The following BOLA3 variants were observed in gnomAD, a reference collection of about 807,000 sequenced individuals.
The protein encoded by BOLA3 is bolA family member 3.
BOLA3 carries 8 observed loss-of-function variants against 14.5 expected under a neutral mutation model. The observed-to-expected ratio is 0.55, with a 90% CI of 0.32 to 0.99. The LOEUF (loss-of-function observed/expected upper bound fraction) is 0.99, where lower values mean the gene tolerates loss of function less well. BOLA3 is among the 50% of genes least tolerant of loss of function. The pLI is 0.04. For missense variants in BOLA3, 115 were observed against 138.2 expected (o/e 0.83, Z 0.84); for synonymous variants, 42 against 45.7 (o/e 0.92, Z 0.33).
intron 3 of BOLA3, among the ~76,000 whole-genome samples, chr2:74,136,511 G>A (rs1333770389): frequency 6.6e-6 from 1 of 152,016 alleles, no homozygotes; most frequent in African/African-American, 2.4e-5. Context: ...TATATTTTAT[G>A]TGTGGCCCAA....
At chr2:74,146,757 A>C (rs1258255280) in intron 1 of BOLA3, 1 of 152,370 alleles carries the variant, frequency 6.6e-6, no homozygotes, top group Non-Finnish European at 1.5e-5. Flanking sequence ...TGAGCTGTGC[A>C]CTGGCTCTCT....
chr2:74,147,820 C>T lies in BOLA3; in HGVS notation c.54+1G>A. ...GCAGCCCCGACCCTGCCCACGCTCA[C>T]CCCGCGGATCCCGCGGAGGAGAGGC... On this transcript the variant is annotated splice_donor_variant, in intron 1 of 3. Coordinates refer to ENST00000327428, the MANE Select transcript of BOLA3 (RefSeq NM_212552.3). LOFTEE classifies it high-confidence loss of function. 1 of 1,528,868 alleles carries T rather than the reference C, an allele frequency of 6.5e-7. No individual in the cohort carries two copies. The allele number at this position is 1,528,868 out of a possible 1,614,324, so 94.7% of individuals were successfully genotyped here. A position where few individuals can be genotyped will look rare whatever the true frequency, so the allele number is the denominator to read the frequency against.
At chr2:74,147,756 C>G in intron 1 of BOLA3, 65 bp downstream of exon 1, 1 of 1,501,988 alleles carries the variant, frequency 6.7e-7, no homozygotes, top group African/African-American at 1.4e-5. Flanking sequence ...CGACAGCCGC[C>G]GGCCCCGCGG....
rs1257104122 is a variant in BOLA3, at chr2:74,142,344, C to T, written c.186G>A (p.Met62Ile). ...CTTCTGATTCAATTTTAATTTCATA[C>T]ATCGCCCCACAACCTCCTAAAATAA... ...VTDISGGCGAMYEIKIESEEF... is the reference protein window; with the variant it reads ...VTDISGGCGAIYEIKIESEEF... The change falls in exon 3 of 4, where the codon ATG becomes ATA. Residue 62 changes from methionine (M) to isoleucine (I), a missense_variant. Met to Ile is a conservative substitution (Grantham distance 10). Coordinates refer to ENST00000327428, the MANE Select transcript of BOLA3 (RefSeq NM_212552.3). 1 of 1,612,928 alleles carries T rather than the reference C, an allele frequency of 6.2e-7. No homozygotes were observed. The highest frequency in any genetic ancestry group is 8.5e-7 in the Non-Finnish European group (1 of 1,179,146).
At chr2:74,145,772 G>T (rs931271605) in intron 1 of BOLA3, 2 of 198,556 alleles carry the variant, frequency 1.0e-5, no homozygotes, top group Admixed American at 1.1e-4. Context: ...ACACTCCCTC[G>T]CCTTTAGGCC....
At chr2:74,139,393 C>G (rs1055373090) in intron 3 of BOLA3, among the ~76,000 whole-genome samples, 9 of 151,706 alleles carry the variant, frequency 5.9e-5, no homozygotes, top group African/African-American at 2.2e-4. Context: ...GGGGCACCTA[C>G]CCCACCCCCA....
intron 3 of BOLA3, among the ~76,000 whole-genome samples, chr2:74,140,355 G>T (rs1376034030): frequency 6.6e-6 from 1 of 152,180 alleles, no homozygotes; most frequent in African/African-American, 2.4e-5. Context: ...AAAACAGAAT[G>T]CCTTTCAGAT....
Position 74,142,347 on chromosome 2 carries a change from C to G in BOLA3, c.183G>C (p.Ala61=), listed in dbSNP as rs574945131. The G allele has an allele frequency of 1.2e-6, 2 of 1,612,478 alleles. No individual in the cohort carries two copies. Among genetic ancestry groups the G allele is most frequent in the Non-Finnish European group, 1.7e-6 (2 of 1,178,832 alleles). ...KVTDISGGCG[A]MYEIKIESEE... ...CTGATTCAATTTTAATTTCATACAT[C>G]GCCCCACAACCTCCTAAAATAAACA... Residue 61 remains alanine (A), a synonymous_variant, in exon 3 of 4, where the codon GCG becomes GCC. Transcript: ENST00000327428.
In BOLA3 at chr2:74,145,544, C is replaced by T. The variant is rs1411310181; in HGVS notation, c.55-241G>A. ...GATTGTTAATAACTCAATTTGACTC[C>T]AGAGACAAGAGGCCCCAAACCTAAT... On this transcript the variant is annotated intron_variant, in intron 1 of 3. Coordinates refer to ENST00000327428, the MANE Select transcript of BOLA3 (RefSeq NM_212552.3). 35 of 557,658 alleles carry T rather than the reference C, an allele frequency of 6.3e-5. No individual in the cohort carries two copies. The South Asian group carries it at 6.9e-4, about 11-fold the overall frequency. The allele number at this position is 557,658 out of a possible 1,614,324, so 34.5% of individuals were successfully genotyped here.
chr2:74,147,522 T>A, intron 1 of BOLA3: 1 of 453,706 alleles, frequency 2.2e-6, no homozygotes, highest in Non-Finnish European at 3.9e-6. Flanking sequence ...AACCAATCCT[T>A]TTTTTTTCCT....
intron 2 of BOLA3, among the ~76,000 whole-genome samples, chr2:74,144,133 G>A (rs1419168377): frequency 6.6e-6 from 1 of 151,122 alleles, no homozygotes; most frequent in Admixed American, 6.6e-5. Context: ...AGACTCTTGA[G>A]TAGCTGGGAC....
chr2:74,144,207 C>T (rs1692500097), intron 2 of BOLA3, among the ~76,000 whole-genome samples: 1 of 151,140 alleles, frequency 6.6e-6, no homozygotes, highest in Non-Finnish European at 1.5e-5. Flanking sequence ...GGGGGTTTCA[C>T]CATGTTGGCC....
chr2:74,139,119 G>T (rs929658800), intron 3 of BOLA3, among the ~76,000 whole-genome samples: 1 of 152,106 alleles, frequency 6.6e-6, no homozygotes, highest in Non-Finnish European at 1.5e-5. Context: ...CCAGAGGAAC[G>T]AGTCCATTCC....
intron 1 of BOLA3, chr2:74,147,274 A>G (rs1052843310): frequency 1.2e-5 from 2 of 160,198 alleles, no homozygotes; most frequent in African/African-American, 4.8e-5. Flanking sequence ...GGGGAGAAGG[A>G]AAATGAAAGT....
Position 74,142,303 on chromosome 2 carries a change from C to T in BOLA3, c.227G>A (p.Arg76Lys). 6.2e-7 allele frequency: 1 copy of T among 1,613,928 alleles called. No individual in the cohort carries two copies. Among genetic ancestry groups the T allele is most frequent in the South Asian group, 1.1e-5 (1 of 91,082 alleles). Reference protein sequence around the residue: ...KIESEEFKEKRTVQQHQMVNQ... With the variant: ...KIESEEFKEKKTVQQHQMVNQ... ...AACCATCTGGTGCTGCTGGACAGTT[C>T]TCTTCTCCTTAAATTCTTCTGATTC... The change falls in exon 3 of 4, where the codon AGA becomes AAA. Residue 76 changes from arginine (R) to lysine (K), a missense_variant. By Grantham distance (26) the Arg-to-Lys change is conservative (BLOSUM62 2). Coordinates refer to ENST00000327428, the MANE Select transcript of BOLA3 (RefSeq NM_212552.3).
intron 2 of BOLA3, among the ~76,000 whole-genome samples, chr2:74,144,549 T>C (rs899688572): frequency 2.0e-5 from 3 of 152,214 alleles, no homozygotes; most frequent in African/African-American, 7.2e-5. Context: ...AAAGGGCCTA[T>C]CTTCCCCATC....
chr2:74,147,856 C>G lies in BOLA3; in HGVS notation c.19G>C (p.Ala7Pro). 1 of 1,524,812 alleles carries G rather than the reference C, an allele frequency of 6.6e-7. No individual in the cohort carries two copies. The highest frequency in any genetic ancestry group is 8.7e-7 in the Non-Finnish European group (1 of 1,143,116). The allele number at this position is 1,524,812 out of a possible 1,614,324, so 94.5% of individuals were successfully genotyped here. A position where few individuals can be genotyped will look rare whatever the true frequency, so the allele number is the denominator to read the frequency against. Reference sequence around the variant, plus strand: ...CCGCGGAGGAGAGGCGCTGCCGCGGCCGGGCTCCATGCAGCCATGCCCGGC... The same window carrying G: ...CCGCGGAGGAGAGGCGCTGCCGCGGGCGGGCTCCATGCAGCCATGCCCGGC... MAAWSP[A>P]AAAPLLRGIR... is the part of the protein sequence containing the mutation. The change falls in exon 1 of 4, where the codon GCC becomes CCC. Residue 7 changes from alanine (A) to proline (P), a missense_variant. Physicochemically the swap from Ala to Pro is conservative, Grantham distance 27. Coordinates refer to ENST00000327428, the MANE Select transcript of BOLA3 (RefSeq NM_212552.3).
intron 2 of BOLA3, among the ~76,000 whole-genome samples, chr2:74,142,620 GAT>G (rs1692458032): frequency 6.6e-6 from 1 of 152,172 alleles, no homozygotes; most frequent in Admixed American, 6.5e-5. Context: ...GGGCAGGAAA[GAT>G]AAGGCACAAA....
intron 3 of BOLA3, among the ~76,000 whole-genome samples, chr2:74,138,501 G>A (rs1054901309): frequency 3.3e-5 from 5 of 152,270 alleles, no homozygotes; most frequent in African/African-American, 1.2e-4. Context: ...GGAGCCAGAG[G>A]TGGAGCAGGC....
Sources: gnomAD v4.1 joint callset for allele counts (sites outside exome capture counted in the v4.1 genomes callset) on GRCh38, gnomAD v4.1.1 for gene constraint, MANE v1.5 for transcripts, NCBI Gene and HGNC (gene_info 2026-07-23, HGNC 2026-07-21) for gene names.